The following PGM1 variants were observed in gnomAD, a reference collection of about 807,000 sequenced individuals.
PGM1 encodes phosphoglucomutase-1.
A neutral mutation model predicts 55.6 loss-of-function variants in PGM1; 52 were observed. The observed-to-expected ratio is 0.94, with a 90% CI of 0.75 to 1.18. PGM1 has a LOEUF of 1.18. PGM1 is among the 50% of genes most tolerant of loss of function. The pLI is 0.00. For missense variants in PGM1, 724 were observed against 729.3 expected, an observed-to-expected ratio of 0.99 and a Z score of 0.08; for synonymous variants, 287 against 271.7, an observed-to-expected ratio of 1.06 and a Z score of -0.55.
chr1:63,609,883 G>A (rs56722970), intron 1 of PGM1, among the ~76,000 whole-genome samples: 8,294 of 152,162 alleles, frequency 0.055, 753 homozygotes, highest in African/African-American at 0.19. Flanking sequence ...AGGCCATGAT[G>A]TTTGGTAGGT....
chr1:63,631,464 T>C (rs1453666984), intron 3 of PGM1, among the ~76,000 whole-genome samples, 193 bp from the exon 4 acceptor site: 1 of 152,188 alleles, frequency 6.6e-6, no homozygotes, highest in East Asian at 1.9e-4. Flanking sequence ...CTCAGGAAAA[T>C]TGTTAGTATT....
chr1:63,626,192 G>A (rs1431066055), intron 1 of PGM1, among the ~76,000 whole-genome samples: 1 of 152,072 alleles, frequency 6.6e-6, no homozygotes, highest in Non-Finnish European at 1.5e-5. Context: ...TCTAACTTGG[G>A]AGCCAGGAAA....
chr1:63,644,913 G>T (rs1015189266), intron 7 of PGM1, among the ~76,000 whole-genome samples: 1 of 152,072 alleles, frequency 6.6e-6, no homozygotes, highest in Admixed American at 6.6e-5. Context: ...TCAAATTCAG[G>T]TTTATCTGAT....
chr1:63,621,762 G>A (rs543605236), intron 1 of PGM1, among the ~76,000 whole-genome samples: 2 of 152,298 alleles, frequency 1.3e-5, no homozygotes, highest in Non-Finnish European at 2.9e-5. Flanking sequence ...TTTGTGAATT[G>A]TGTTAATGTT....
intron 7 of PGM1, among the ~76,000 whole-genome samples, chr1:63,641,007 A>G (rs545626113): frequency 6.6e-6 from 1 of 152,336 alleles, no homozygotes; most frequent in Non-Finnish European, 1.5e-5. Context: ...AGGAAGTTGC[A>G]TAATACTGTT....
chr1:63,609,589 A>G lies in PGM1; in HGVS notation c.246+15855A>G, dbSNP rs559242631. On this transcript the variant is annotated intron_variant, in intron 1 of 10. Coordinates refer to ENST00000371084, the MANE Select transcript of PGM1 (RefSeq NM_002633.3). ...CAGTTGTCCAACTTTACAGTGGTGT[A>G]AAAGTGATACACATTCAGTAGAAAC... Among the ~76,000 whole-genome samples the G allele has an allele frequency of 8.0e-4, 122 of 152,322 alleles. 1 individual carries two copies. The highest frequency in any genetic ancestry group is 1.4e-3 in the Non-Finnish European group (97 of 68,020).
At chr1:63,612,128 G>A (rs1006468011) in intron 1 of PGM1, among the ~76,000 whole-genome samples, 6 of 150,640 alleles carry the variant, frequency 4.0e-5, no homozygotes, top group South Asian at 4.2e-4. Context: ...ATGGTGGCGC[G>A]TGCCTGTAAT....
chr1:63,654,302 G>T, intron 9 of PGM1, 30 bp from the exon 10 acceptor site: 1 of 1,612,368 alleles, frequency 6.2e-7, no homozygotes, highest in South Asian at 1.1e-5. Context: ...CCAGCATTTG[G>T]GGAAAAAAAT....
At chr1:63,603,098 C>T (rs946853328) in intron 1 of PGM1, among the ~76,000 whole-genome samples, 4 of 152,212 alleles carry the variant, frequency 2.6e-5, no homozygotes, top group Non-Finnish European at 4.4e-5. Context: ...CCCCCAACTC[C>T]GTATTTTTGT....
chr1:63,653,080 C>T (rs540474859), intron 9 of PGM1, among the ~76,000 whole-genome samples: 2 of 152,238 alleles, frequency 1.3e-5, no homozygotes, highest in South Asian at 4.2e-4. Flanking sequence ...TGGCATCTGC[C>T]AGGAGGGAGA....
At chr1:63,658,079 T>C (rs1435825142) in intron 10 of PGM1, among the ~76,000 whole-genome samples, 1 of 152,218 alleles carries the variant, frequency 6.6e-6, no homozygotes, top group Non-Finnish European at 1.5e-5. Flanking sequence ...GGAGCTGCCT[T>C]TCCTTATTCT....
intron 1 of PGM1, among the ~76,000 whole-genome samples, chr1:63,617,234 T>G (rs1289384782): frequency 6.6e-6 from 1 of 152,186 alleles, no homozygotes. Context: ...TTGCCTGTAC[T>G]GGACAGCAGG....
At chr1:63,639,170 C>T (rs1010622950) in intron 7 of PGM1, among the ~76,000 whole-genome samples, 6 of 151,932 alleles carry the variant, frequency 3.9e-5, no homozygotes, top group African/African-American at 4.8e-5. Flanking sequence ...TGGAGCAAGT[C>T]GGTTTTTTGT....
intron 1 of PGM1, among the ~76,000 whole-genome samples, chr1:63,612,405 A>AAG (rs1488163674): frequency 1.3e-5 from 2 of 152,358 alleles, no homozygotes; most frequent in Non-Finnish European, 2.9e-5. Context: ...CCATACGTAG[A>AAG]ATGATTGATA....
intron 3 of PGM1, 89 bp from the exon 4 acceptor site, chr1:63,631,568 G>A (rs1649194185): frequency 1.6e-6 from 2 of 1,220,988 alleles, no homozygotes; most frequent in South Asian, 1.2e-5. Flanking sequence ...AATAGCAATA[G>A]CAGGTTTACA....
intron 1 of PGM1, among the ~76,000 whole-genome samples, chr1:63,627,349 A>T (rs888036849): frequency 6.6e-6 from 1 of 152,140 alleles, no homozygotes; most frequent in Admixed American, 6.6e-5. Context: ...AGTAGGTCAG[A>T]TGGATCCAGC....
intron 1 of PGM1, 130 bp downstream of exon 1, chr1:63,593,864 C>T: frequency 3.9e-6 from 5 of 1,295,058 alleles, no homozygotes; most frequent in Non-Finnish European, 4.9e-6. Flanking sequence ...TCCCGCTCCT[C>T]CCTCTCCTTC....
chr1:63,641,231 T>C (rs1477044609), intron 7 of PGM1, among the ~76,000 whole-genome samples: 3 of 152,238 alleles, frequency 2.0e-5, no homozygotes, highest in Non-Finnish European at 4.4e-5. Context: ...GTATATTTCA[T>C]GTCCAAAGAG....
At chr1:63,633,770 C>A (rs1018649159) in intron 4 of PGM1, among the ~76,000 whole-genome samples, 2 of 150,548 alleles carry the variant, frequency 1.3e-5, no homozygotes, top group East Asian at 3.9e-4. Flanking sequence ...GAAGTTCAAG[C>A]GATTCTCCTG....
Sources: allele counts gnomAD v4.1 joint callset (sites outside exome capture counted in the v4.1 genomes callset), GRCh38; gene constraint gnomAD v4.1.1; transcripts MANE v1.5; gene names NCBI Gene and HGNC (gene_info 2026-07-23, HGNC 2026-07-21).